Variants in ACAP2 observed in about 807,000 individuals in gnomAD.
The protein encoded by ACAP2 is ArfGAP with coiled-coil, ankyrin repeat and PH domains 2.
A neutral mutation model predicts 115.8 loss-of-function variants in ACAP2; 39 were observed. The observed-to-expected ratio is 0.34, with a 90% CI of 0.26 to 0.44. The LOEUF is 0.44. Ranked by LOEUF, ACAP2 falls within the 20% of genes least tolerant of loss-of-function variation. The pLI, the probability that ACAP2 is intolerant of heterozygous loss-of-function variation, is 1.00. For synonymous variants in ACAP2, 289 were observed against 315.8 expected, an observed-to-expected ratio of 0.92 and a Z score of 0.90; for missense variants, 662 against 927.6, an observed-to-expected ratio of 0.71 and a Z score of 3.72.
At chr3:195,429,365 C>G (rs922357334) in intron 1 of ACAP2, among the ~76,000 whole-genome samples, 1 of 111,532 alleles carries the variant, frequency 9.0e-6, no homozygotes, top group African/African-American at 3.6e-5. Flanking sequence ...GGCAAAAGAG[C>G]AAGACTCCAT....
intron 4 of ACAP2, among the ~76,000 whole-genome samples, chr3:195,377,928 G>T (rs1733663301): frequency 6.6e-6 from 1 of 152,238 alleles, no homozygotes; most frequent in African/African-American, 2.4e-5. Flanking sequence ...ACAGCCTTCA[G>T]ACCTCCAGGC....
chr3:195,381,592 T>A (rs1360062604), intron 3 of ACAP2, among the ~76,000 whole-genome samples: 1 of 152,166 alleles, frequency 6.6e-6, no homozygotes, highest in African/African-American at 2.4e-5. Context: ...CTAGTAGGCA[T>A]GATCTTGATC....
chr3:195,301,636 C>G lies in ACAP2; in HGVS notation c.1334G>C (p.Gly445Ala). ...IECSGIHRSL[G>A]VHFSKVRSLT... ...AGATCGTACTTTTGAAAAATGAACC[C>G]CAAGGCTCCTAAGTGGAAAAAAGAA... Residue 445 changes from glycine to alanine, a missense_variant, in exon 15 of 23, where the codon GGG becomes GCG. Gly to Ala is a moderately conservative substitution (Grantham distance 60). This residue lies in a region of ACAP2 where 401 missense variants were observed against 604.4 expected (regional missense o/e 0.66). Coordinates refer to ENST00000326793, the MANE Select transcript of ACAP2 (RefSeq NM_012287.6). The G allele has an allele frequency of 6.2e-7, 1 of 1,613,156 alleles. No individual in the cohort carries two copies. The highest frequency in any genetic ancestry group is 8.5e-7 in the Non-Finnish European group (1 of 1,179,762).
At chr3:195,362,397 T>A (rs1732433267) in intron 4 of ACAP2, among the ~76,000 whole-genome samples, 1 of 151,652 alleles carries the variant, frequency 6.6e-6, no homozygotes. Context: ...ACCAAACATT[T>A]AAAGAACATC....
Position 195,436,765 on chromosome 3 carries a change from C to T in ACAP2, c.53+6030G>A, listed in dbSNP as rs117000818. ...ACAAGAGGAAATTTGTCCTCCCGCA[C>T]ATCACAAAAGGGATGTGCGATTCAT... On this transcript the variant is annotated intron_variant, in intron 1 of 22. Transcript: ENST00000326793. 3.4e-3 allele frequency among the ~76,000 whole-genome samples: 516 copies of T among 152,234 alleles called. 15 individuals are homozygous for T. In the East Asian group the frequency reaches 0.069, roughly 20 times the overall value.
chr3:195,427,237 A>G (rs1458785723), intron 1 of ACAP2, among the ~76,000 whole-genome samples: 4 of 152,176 alleles, frequency 2.6e-5, no homozygotes, highest in Non-Finnish European at 5.9e-5. Flanking sequence ...TCTTCCCTAG[A>G]CCTTCCAGAA....
chr3:195,384,329 T>TA (rs1295091652), intron 2 of ACAP2, among the ~76,000 whole-genome samples: 5 of 152,112 alleles, frequency 3.3e-5, no homozygotes, highest in African/African-American at 1.2e-4. Flanking sequence ...ACATCCACGA[T>TA]ATATTAAGAG....
chr3:195,339,983 A>C (rs979533861), intron 6 of ACAP2, among the ~76,000 whole-genome samples: 2 of 152,062 alleles, frequency 1.3e-5, no homozygotes, highest in Non-Finnish European at 1.5e-5. Flanking sequence ...GTGTACAAAA[A>C]TACGGCAACA....
chr3:195,323,825 T>C (rs1351329531), intron 9 of ACAP2, among the ~76,000 whole-genome samples: 1 of 150,312 alleles, frequency 6.7e-6, no homozygotes, highest in Non-Finnish European at 1.5e-5. Context: ...AAAAACAGAA[T>C]GAATGAGACC....
intron 1 of ACAP2, among the ~76,000 whole-genome samples, chr3:195,422,628 T>C (rs968230322): frequency 1.2e-4 from 18 of 152,214 alleles, no homozygotes; most frequent in African/African-American, 4.1e-4. Flanking sequence ...CATGCACTAC[T>C]ACACCTGGCT....
intron 6 of ACAP2, among the ~76,000 whole-genome samples, chr3:195,337,823 C>A (rs940873523): frequency 1.1e-4 from 16 of 151,484 alleles, no homozygotes; most frequent in African/African-American, 3.9e-4. Context: ...GCCGGCAAGG[C>A]CCAGTGTGAT....
In ACAP2 at chr3:195,392,781, A is replaced by C. The variant is rs534797113; in HGVS notation, c.54-634T>G. On this transcript the variant is annotated intron_variant, in intron 1 of 22. Coordinates refer to ENST00000326793, the MANE Select transcript of ACAP2 (RefSeq NM_012287.6). ...AGTTAGCACTTCATACCACACTACA[A>C]GGCAACATTTCAAAATTGGAAATTT... 1.2e-3 allele frequency among the ~76,000 whole-genome samples: 177 copies of C among 152,352 alleles called. 1 individual carries two copies. The highest frequency in any genetic ancestry group is 2.1e-3 in the Admixed American group (32 of 15,310).
At chr3:195,401,691 A>G (rs1019264884) in intron 1 of ACAP2, among the ~76,000 whole-genome samples, 1 of 152,186 alleles carries the variant, frequency 6.6e-6, no homozygotes, top group East Asian at 1.9e-4. Flanking sequence ...ACTACAGAAC[A>G]GTAACGTGAA....
chr3:195,426,173 T>C (rs1200842587), intron 1 of ACAP2, among the ~76,000 whole-genome samples: 1 of 152,124 alleles, frequency 6.6e-6, no homozygotes, highest in Non-Finnish European at 1.5e-5. Context: ...CCTATCGGCC[T>C]TCCTTCCGTT....
At chr3:195,338,973 G>A (rs1730694753) in intron 6 of ACAP2, among the ~76,000 whole-genome samples, 1 of 152,106 alleles carries the variant, frequency 6.6e-6, no homozygotes, top group Non-Finnish European at 1.5e-5. Flanking sequence ...GCTCACGCCT[G>A]TAATCCTTGC....
chr3:195,341,163 C>A (rs1047134984), intron 6 of ACAP2, among the ~76,000 whole-genome samples: 4 of 152,020 alleles, frequency 2.6e-5, no homozygotes, highest in Non-Finnish European at 5.9e-5. Context: ...TATAGAAACA[C>A]GCAATATAAT....
intron 1 of ACAP2, among the ~76,000 whole-genome samples, chr3:195,409,442 T>C (rs545447084): frequency 5.2e-4 from 79 of 151,564 alleles, no homozygotes; most frequent in Non-Finnish European, 8.4e-4. Flanking sequence ...AAAAAAAAAG[T>C]ACAAAAGAAA....
chr3:195,349,855 CA>C, intron 4 of ACAP2: 1 of 336,898 alleles, frequency 3.0e-6, no homozygotes, highest in Non-Finnish European at 5.8e-6. Context: ...TGACACCAGG[CA>C]AAACAAAGCT....
intron 1 of ACAP2, among the ~76,000 whole-genome samples, chr3:195,403,071 G>A (rs9866537): frequency 0.3 from 46,079 of 151,994 alleles, 8,035 homozygotes; most frequent in East Asian, 0.81. Context: ...GACGGCTACA[G>A]TTTTACTATT....
Sources: allele counts gnomAD v4.1 joint callset (sites outside exome capture counted in the v4.1 genomes callset), GRCh38; gene constraint gnomAD v4.1.1; regional missense constraint gnomAD v4.1.1; transcripts MANE v1.5; gene names NCBI Gene and HGNC (gene_info 2026-07-23, HGNC 2026-07-21).